Variants in SLC35F1 observed in about 807,000 individuals in gnomAD.
SLC35F1 encodes the protein chromosome 6 open reading frame 169.
A neutral mutation model predicts 48.7 loss-of-function variants in SLC35F1; 14 were observed. The observed-to-expected ratio is 0.29, with a 90% CI of 0.19 to 0.45. The LOEUF (loss-of-function observed/expected upper bound fraction) is 0.45. Among genes scored for constraint, SLC35F1 ranks in the 20% least tolerant of loss-of-function variants. The probability of loss-of-function intolerance (pLI) is 1.00; values close to 1 mark genes in which losing one functional copy is unlikely to be tolerated. For missense variants in SLC35F1, 404 were observed against 500.0 expected (o/e 0.81, Z 1.83); for synonymous variants, 190 against 202.2 (o/e 0.94, Z 0.51).
At chr6:118,140,884 ATAT>A (rs1283837740) in intron 1 of SLC35F1, among the ~76,000 whole-genome samples, 1 of 77,330 alleles carries the variant, frequency 1.3e-5, no homozygotes, top group Non-Finnish European at 4.5e-5. Context: ...TAGAATAAGT[ATAT>A]AAAGAAAATA....
chr6:118,165,231 T>C (rs1774300424), intron 2 of SLC35F1, among the ~76,000 whole-genome samples: 3 of 152,230 alleles, frequency 2.0e-5, no homozygotes, highest in Admixed American at 1.3e-4. Flanking sequence ...GCAGAATTAC[T>C]TCCCACCCTT....
intron 1 of SLC35F1, among the ~76,000 whole-genome samples, chr6:118,104,751 T>C (rs1013203895): frequency 6.6e-6 from 1 of 152,138 alleles, no homozygotes; most frequent in Non-Finnish European, 1.5e-5. Flanking sequence ...CACCCACCAT[T>C]TGGACCAGTG....
intron 2 of SLC35F1, among the ~76,000 whole-genome samples, chr6:118,174,649 C>A (rs184632185): frequency 6.6e-6 from 1 of 152,060 alleles, no homozygotes; most frequent in East Asian, 1.9e-4. Context: ...GGGATAATAG[C>A]TGAGAATTTT....
chr6:118,304,557 A>C lies in SLC35F1; in HGVS notation c.1003-9471A>C, dbSNP rs139597280. Among the ~76,000 whole-genome samples, 544 of 152,238 alleles carry C rather than the reference A, an allele frequency of 3.6e-3. 4 individuals are homozygous for C. The highest frequency in any genetic ancestry group is 0.012 in the African/African-American group (511 of 41,544). On this transcript the variant is annotated intron_variant, in intron 7 of 7. Transcript: ENST00000360388. ...TTTAAATAGCCAGTTCCATAAATGC[A>C]TTTGCAATTCAAATTGATTTGTGGT...
chr6:118,049,362 A>G (rs1772350462), intron 1 of SLC35F1, among the ~76,000 whole-genome samples: 1 of 152,158 alleles, frequency 6.6e-6, no homozygotes, highest in African/African-American at 2.4e-5. Flanking sequence ...AAATTGACAA[A>G]TGGGATCTAA....
At chr6:118,227,508 C>A (rs1192931879) in intron 2 of SLC35F1, among the ~76,000 whole-genome samples, 1 of 152,168 alleles carries the variant, frequency 6.6e-6, no homozygotes, top group African/African-American at 2.4e-5. Context: ...GCAATGATAT[C>A]TGTGCATTTA....
intron 1 of SLC35F1, among the ~76,000 whole-genome samples, chr6:117,920,594 A>G (rs1414053679): frequency 2.6e-5 from 4 of 152,170 alleles, no homozygotes; most frequent in African/African-American, 9.7e-5. Flanking sequence ...CAAGAATGCT[A>G]GATGGGAGGA....
intron 7 of SLC35F1, among the ~76,000 whole-genome samples, chr6:118,292,653 T>C (rs1278328651): frequency 1.3e-5 from 2 of 151,772 alleles, no homozygotes; most frequent in Non-Finnish European, 2.9e-5. Flanking sequence ...AATGACTAAA[T>C]GAAGCTCGCC....
intron 7 of SLC35F1, among the ~76,000 whole-genome samples, chr6:118,309,169 ATGTGTGTGTGTGTGTGTGTGTG>A (rs57832608): frequency 6.8e-6 from 1 of 148,104 alleles, no homozygotes; most frequent in Non-Finnish European, 1.5e-5. Flanking sequence ...GGGCCTGTAG[ATGTGTGTGTGTGTGTGTGTGTG>A]TGTGTGTGTG....
chr6:118,170,307 C>A (rs931831386), intron 2 of SLC35F1, among the ~76,000 whole-genome samples: 1 of 152,132 alleles, frequency 6.6e-6, no homozygotes, highest in Non-Finnish European at 1.5e-5. Context: ...AGGCACATGC[C>A]CACTTTATAG....
chr6:118,200,046 T>C (rs1323627712), intron 2 of SLC35F1, among the ~76,000 whole-genome samples: 3 of 152,082 alleles, frequency 2.0e-5, no homozygotes, highest in Admixed American at 2.0e-4. Flanking sequence ...AGAGTTTACA[T>C]ACATGTGAAG....
At position 118,316,798 on chromosome 6, in the gene SLC35F1, C is replaced by G. The variant is rs1484304123; in HGVS notation, c.*2546C>G. ...CCGTATACCCTTTATCATTCGGTGT[C>G]CTTGTACTCAGACTTTCATGTCCCT... On this transcript the variant is annotated 3_prime_UTR_variant, in exon 8 of 8. Transcript: ENST00000360388. The G allele has an allele frequency of 6.6e-6, 1 of 152,098 alleles. No individual in the cohort carries two copies. Among genetic ancestry groups the G allele is most frequent in the African/African-American group, 2.4e-5 (1 of 41,394 alleles). The allele number at this position is 152,098 out of a possible 1,614,324, so 9.4% of individuals were successfully genotyped here.
intron 1 of SLC35F1, among the ~76,000 whole-genome samples, chr6:117,978,283 C>T (rs1048264355): frequency 6.6e-6 from 1 of 151,894 alleles, no homozygotes; most frequent in African/African-American, 2.4e-5. Flanking sequence ...TAACTCTTCC[C>T]CCTCCCCTGG....
chr6:118,081,800 C>A (rs1157595234), intron 1 of SLC35F1, among the ~76,000 whole-genome samples: 1 of 152,150 alleles, frequency 6.6e-6, no homozygotes, highest in Non-Finnish European at 1.5e-5. Context: ...GAATTCCCAG[C>A]CCAAGTTTAC....
chr6:118,314,453 G>T lies in SLC35F1; in HGVS notation c.*201G>T. ...GGCTCTAATCCACCTGACTTGGAAG[G>T]ATGCCTAGCTAACGTGTATCCTGAT... On this transcript the variant is annotated 3_prime_UTR_variant, in exon 8 of 8. Coordinates refer to ENST00000360388, the MANE Select transcript of SLC35F1 (RefSeq NM_001029858.4). 1.7e-6 allele frequency: 1 copy of T among 593,088 alleles called. No homozygotes were observed. The highest frequency in any genetic ancestry group is 2.0e-5 in the South Asian group (1 of 48,918). 36.7% of individuals were successfully genotyped at this position (593,088 alleles called of 1,614,324 possible). A position where few individuals can be genotyped will look rare whatever the true frequency, so the allele number is the denominator to read the frequency against.
At chr6:117,950,343 T>G (rs922211308) in intron 1 of SLC35F1, among the ~76,000 whole-genome samples, 6 of 152,316 alleles carry the variant, frequency 3.9e-5, no homozygotes, top group Admixed American at 6.5e-5. Flanking sequence ...GAATGCATAC[T>G]ACTATCATCC....
At chr6:117,920,830 CAGAT>C (rs1434641278) in intron 1 of SLC35F1, among the ~76,000 whole-genome samples, 1 of 151,952 alleles carries the variant, frequency 6.6e-6, no homozygotes, top group Non-Finnish European at 1.5e-5. Context: ...TATAAGTTCC[CAGAT>C]AAAATAGACA....
intron 7 of SLC35F1, among the ~76,000 whole-genome samples, chr6:118,296,175 A>G (rs529030472): frequency 6.6e-6 from 1 of 152,216 alleles, no homozygotes; most frequent in South Asian, 2.1e-4. Flanking sequence ...ATTTCTTCAC[A>G]TATTATCCAT....
chr6:118,251,967 A>G (rs1041800814), intron 3 of SLC35F1, among the ~76,000 whole-genome samples: 5 of 152,134 alleles, frequency 3.3e-5, no homozygotes, highest in Non-Finnish European at 1.5e-5. Context: ...TGGGGAAGAG[A>G]GTTCCAAGCA....
Sources: gnomAD v4.1 joint callset for allele counts (sites outside exome capture counted in the v4.1 genomes callset) on GRCh38, gnomAD v4.1.1 for gene constraint, MANE v1.5 for transcripts, NCBI Gene and HGNC (gene_info 2026-07-23, HGNC 2026-07-21) for gene names.